KDM1A: variants seen among roughly 807,000 people sequenced by gnomAD.
KDM1A encodes lysine-specific histone demethylase 1A.
Under a neutral mutation model 109.4 loss-of-function variants are expected in KDM1A, and 49 were observed. The observed-to-expected ratio is 0.45, with a 90% confidence interval of 0.36 to 0.57. The LOEUF is 0.57. Among genes scored for constraint, KDM1A ranks in the 20% least tolerant of loss-of-function variants. The pLI is 0.00. For synonymous variants in KDM1A, 380 were observed against 415.4 expected (o/e 0.91, Z 1.04); for missense variants, 668 against 1,116.6 (o/e 0.60, Z 5.73).
intron 10 of KDM1A, among the ~76,000 whole-genome samples, chr1:23,068,105 T>C (rs1196543979): frequency 6.6e-6 from 1 of 152,234 alleles, no homozygotes; most frequent in Non-Finnish European, 1.5e-5. Context: ...TTGGGCTTCT[T>C]ATTTTCCCAT....
At chr1:23,021,175 G>T (rs756814891) in intron 1 of KDM1A, among the ~76,000 whole-genome samples, 53 of 152,280 alleles carry the variant, frequency 3.5e-4, no homozygotes, top group African/African-American at 1.1e-3. Context: ...ACTCTCTAAA[G>T]TATAACCAGT....
rs932338893 is a variant in KDM1A, at chr1:23,057,344, C to G, written c.991-140C>G. ...TTAAACTTCATTTGTTCTTTGTGCCCATAGTACTGTTGATTGCATTCCATG... is the reference window on the plus strand; with the variant it reads ...TTAAACTTCATTTGTTCTTTGTGCCGATAGTACTGTTGATTGCATTCCATG... On this transcript the variant is annotated intron_variant, in intron 7 of 20. Coordinates refer to ENST00000400181, the MANE Select transcript of KDM1A (RefSeq NM_001009999.3). The G allele has an allele frequency of 9.4e-6, 6 of 639,892 alleles. No homozygotes were observed. The African/African-American group carries it at 1.1e-4, about 12-fold the overall frequency. The allele number at this position is 639,892 out of a possible 1,614,324, so 39.6% of individuals were successfully genotyped here.
In KDM1A at chr1:23,081,564, A is replaced by G. The variant is rs1406462353; in HGVS notation, c.2289A>G (p.Ala763=). The G allele has an allele frequency of 6.2e-7, 1 of 1,614,168 alleles. No homozygotes were observed. The highest frequency in any genetic ancestry group is 2.2e-5 in the East Asian group (1 of 44,878). Residue 763 remains alanine (A), a synonymous_variant, in exon 19 of 21, where the codon GCA becomes GCG. Transcript: ENST00000400181. The part of the protein sequence containing the change: ...AILKGIFGSS[A]VPQPKETVVS... ...TCAAAGGGATTTTTGGTAGCAGTGC[A>G]GTACCTCAGGTAAGTAGGTAGGTGG...
intron 9 of KDM1A, among the ~76,000 whole-genome samples, chr1:23,062,633 C>T (rs1212716322): frequency 6.6e-6 from 1 of 152,152 alleles, no homozygotes; most frequent in Non-Finnish European, 1.5e-5. Flanking sequence ...TTGTTTTAAT[C>T]ACAATCACAA....
Position 23,050,499 on chromosome 1 carries a change from T to C in KDM1A, c.690T>C (p.Phe230=). 1.9e-6 allele frequency: 3 copies of C among 1,610,014 alleles called. No homozygotes were observed. Among genetic ancestry groups the C allele is most frequent in the Non-Finnish European group, 2.5e-6 (3 of 1,178,208 alleles). The change falls in exon 4 of 21, where the codon TTT becomes TTC. Residue 230 remains phenylalanine, a synonymous_variant. Transcript: ENST00000400181. The part of the protein sequence containing the change: ...ISGPQQTQKV[F]LFIRNRTLQL... ...GACCACAACAGACCCAGAAGGTTTT[T>C]CTTTTCATTAGAAACCGCACAGTAA...
intron 3 of KDM1A, 72 bp downstream of exon 3, chr1:23,044,558 T>C: frequency 7.3e-7 from 1 of 1,367,056 alleles, no homozygotes; most frequent in Non-Finnish European, 1.0e-6. Flanking sequence ...TTGCAAGTGT[T>C]TTTGGCTGTG....
intron 1 of KDM1A, among the ~76,000 whole-genome samples, chr1:23,029,750 C>T (rs1641920148): frequency 6.6e-6 from 1 of 152,184 alleles, no homozygotes; most frequent in Admixed American, 6.5e-5. Context: ...AGCGATTCTC[C>T]TGCCTCAGCC....
At position 23,082,378 on chromosome 1, in the gene KDM1A, G is replaced by A. The variant is rs1358867166; in HGVS notation, c.2445+12G>A. ...CAGGTGCCCCACAGGTGAGAAGCTG[G>A]CAAACTATCTGGGCTTATTTGGGAA... On this transcript the variant is annotated intron_variant, in intron 20 of 20. Coordinates refer to ENST00000400181, the MANE Select transcript of KDM1A (RefSeq NM_001009999.3). The A allele has an allele frequency of 8.1e-6, 13 of 1,607,260 alleles. No homozygotes were observed. Among genetic ancestry groups the A allele is most frequent in the Middle Eastern group, 1.7e-4 (1 of 5,882 alleles).
At chr1:23,031,125 A>G (rs774237890) in intron 2 of KDM1A, among the ~76,000 whole-genome samples, 3 of 152,144 alleles carry the variant, frequency 2.0e-5, no homozygotes, top group Non-Finnish European at 4.4e-5. Context: ...GAACAAATGT[A>G]AAAATATATA....
At chr1:23,034,499 T>C (rs535876526) in intron 2 of KDM1A, among the ~76,000 whole-genome samples, 1 of 152,038 alleles carries the variant, frequency 6.6e-6, no homozygotes, top group East Asian at 1.9e-4. Context: ...GAAATGCCTT[T>C]CCTGTCTTTG....
chr1:23,083,505 C>T lies in KDM1A; in HGVS notation c.*141C>T. On this transcript the variant is annotated 3_prime_UTR_variant, in exon 21 of 21. Coordinates refer to ENST00000400181, the MANE Select transcript of KDM1A (RefSeq NM_001009999.3). ...TCAGCTGATGGAGCTCCTGATTTGA[C>T]AAAGGAGCTTGCCTCCTTTGAATGA... The T allele has an allele frequency of 1.3e-6, 1 of 767,386 alleles. No homozygotes were observed. The highest frequency in any genetic ancestry group is 2.0e-6 in the Non-Finnish European group (1 of 501,666). The allele number at this position is 767,386 out of a possible 1,614,324, so 47.5% of individuals were successfully genotyped here. A position where few individuals can be genotyped will look rare whatever the true frequency, so the allele number is the denominator to read the frequency against.
At chr1:23,026,828 C>G (rs1241104690) in intron 1 of KDM1A, among the ~76,000 whole-genome samples, 1 of 152,164 alleles carries the variant, frequency 6.6e-6, no homozygotes, top group Non-Finnish European at 1.5e-5. Context: ...TTACCCTACT[C>G]ACTCATAGTC....
intron 2 of KDM1A, among the ~76,000 whole-genome samples, chr1:23,036,234 T>C (rs896201241): frequency 6.6e-6 from 1 of 152,144 alleles, no homozygotes; most frequent in Non-Finnish European, 1.5e-5. Flanking sequence ...GGGAAGATGA[T>C]AGGATTCTAT....
chr1:23,065,937 A>C, intron 9 of KDM1A, 123 bp from the exon 10 acceptor site: 1 of 1,372,296 alleles, frequency 7.3e-7, no homozygotes, highest in Non-Finnish European at 9.8e-7. Flanking sequence ...AGCTAACAGA[A>C]TGCTTCTGTC....
chr1:23,082,340 G>A lies in KDM1A; in HGVS notation c.2419G>A (p.Gly807Ser), dbSNP rs1489979736. The A allele has an allele frequency of 6.8e-6, 11 of 1,613,328 alleles. No individual in the cohort carries two copies. The highest frequency in any genetic ancestry group is 1.3e-5 in the African/African-American group (1 of 74,716). ...TTTAATGGCTCAGCCAATCACTCCT[G>A]GCCCCTCGATTCCAGGTGCCCCACA... is the stretch of plus-strand genomic sequence containing the variant. ...YDLMAQPITPGPSIPGAPQPI... is the reference protein window; with the variant it reads ...YDLMAQPITPSPSIPGAPQPI... Residue 807 changes from glycine (G) to serine (S), a missense_variant, in exon 20 of 21, where the codon GGC becomes AGC. By Grantham distance (56) the Gly-to-Ser change is moderately conservative. This residue lies in a region of KDM1A where 69 missense variants were observed against 99.6 expected (regional missense o/e 0.69). Transcript: ENST00000400181.
intron 1 of KDM1A, among the ~76,000 whole-genome samples, chr1:23,028,908 A>G (rs953022240): frequency 1.3e-5 from 2 of 152,178 alleles, no homozygotes; most frequent in African/African-American, 4.8e-5. Flanking sequence ...CACAGTCATA[A>G]TTGTTTTCTC....
intron 4 of KDM1A, 107 bp downstream of exon 4, chr1:23,050,627 A>C (rs908510681): frequency 2.3e-6 from 2 of 886,196 alleles, no homozygotes; most frequent in Non-Finnish European, 3.2e-6. Context: ...AAAATTATCT[A>C]TAATACTATT....
intron 8 of KDM1A, 63 bp from the exon 9 acceptor site, chr1:23,059,010 C>T: frequency 2.2e-6 from 2 of 920,954 alleles, no homozygotes; most frequent in Non-Finnish European, 3.2e-6. Flanking sequence ...ATATTTTTTA[C>T]TTTAAGGTTT....
chr1:23,079,084 G>A lies in KDM1A; in HGVS notation c.1962G>A (p.Leu654=), dbSNP rs1643546815. 1.2e-6 allele frequency: 2 copies of A among 1,614,154 alleles called. No individual in the cohort carries two copies. The highest frequency in any genetic ancestry group is 1.7e-6 in the Non-Finnish European group (2 of 1,180,018). The change falls in exon 17 of 21, where the codon CTG becomes CTA. Residue 654 remains leucine, a synonymous_variant. Coordinates refer to ENST00000400181, the MANE Select transcript of KDM1A (RefSeq NM_001009999.3). This position sits in a 1 kb window ranked among gnomAD's most constrained non-coding sequence, Gnocchi z 5.6. ...AVLCTLPLGV[L]KQQPPAVQFV... is the part of the protein sequence containing the mutation. ...TCTGTACCCTTCCCCTGGGTGTGCTGAAGCAGCAGCCACCAGCCGTTCAGT... is the reference window on the plus strand; with the variant it reads ...TCTGTACCCTTCCCCTGGGTGTGCTAAAGCAGCAGCCACCAGCCGTTCAGT...
Sources: allele counts gnomAD v4.1 joint callset (sites outside exome capture counted in the v4.1 genomes callset), GRCh38; gene constraint gnomAD v4.1.1; regional missense constraint gnomAD v4.1.1; non-coding constraint Gnocchi (gnomAD v3.1); transcripts MANE v1.5; gene names NCBI Gene and HGNC (gene_info 2026-07-23, HGNC 2026-07-21).